The following USH2A variants were observed in gnomAD, a reference collection of about 807,000 sequenced individuals.
USH2A encodes Usher syndrome 2A (autosomal recessive, mild).
Under a neutral mutation model 538.9 loss-of-function variants are expected in USH2A, and 443 were observed. The observed-to-expected ratio is 0.82, with a 90% confidence interval of 0.76 to 0.89. The LOEUF is 0.89. Among genes scored for constraint, USH2A ranks in the 40% least tolerant of loss-of-function variants. The pLI is 0.00. For synonymous variants in USH2A, 2,413 were observed against 2,273.5 expected (o/e 1.06, Z -1.75); for missense variants, 6,633 against 6,324.8 (o/e 1.05, Z -1.65).
intron 69 of USH2A, among the ~76,000 whole-genome samples, chr1:215,637,816 A>G (rs923205289): frequency 1.3e-5 from 2 of 152,004 alleles, no homozygotes; most frequent in African/African-American, 4.8e-5. Context: ...GAAATTTTGG[A>G]CATGTTTATT....
At chr1:216,204,281 T>A (rs2035064200) in intron 16 of USH2A, 1 of 152,222 alleles carries the variant, frequency 6.6e-6, no homozygotes, top group Admixed American at 6.5e-5. Context: ...AGAAGGGGGC[T>A]ACAATAGAGA....
intron 37 of USH2A, among the ~76,000 whole-genome samples, chr1:215,956,275 T>C (rs1344631252): frequency 1.3e-5 from 2 of 152,182 alleles, no homozygotes; most frequent in East Asian, 1.9e-4. Context: ...AAACATTATA[T>C]ATCTGCCCCA....
intron 47 of USH2A, among the ~76,000 whole-genome samples, chr1:215,825,057 G>C (rs953430251): frequency 6.6e-6 from 1 of 152,102 alleles, no homozygotes; most frequent in Non-Finnish European, 1.5e-5. Context: ...TTTTGGAACT[G>C]GAAGTTCTTT....
chr1:215,835,164 CAA>C (rs34758891), intron 47 of USH2A, among the ~76,000 whole-genome samples: 20,896 of 56,078 alleles, frequency 0.37, 1,607 homozygotes, highest in Admixed American at 0.43. Flanking sequence ...AGTGATGCAC[CAA>C]AAAAAAAAAA....
chr1:216,419,353 T>G (rs907983460), intron 2 of USH2A, among the ~76,000 whole-genome samples: 1 of 152,120 alleles, frequency 6.6e-6, no homozygotes, highest in Non-Finnish European at 1.5e-5. Context: ...AAATAAGATT[T>G]TGAAAAACTA....
chr1:216,373,969 T>G (rs1571753761), intron 3 of USH2A, among the ~76,000 whole-genome samples: 1 of 151,938 alleles, frequency 6.6e-6, no homozygotes, highest in East Asian at 2.0e-4. Context: ...TGGATGAAAC[T>G]GGAAACCATC....
rs58845914 is a variant in USH2A, at chr1:216,370,677, C to CAAAAAAAAAAAAAAAAA, written c.652-5609_652-5593dup. ...TGGGGAACAGAGCCAGACTCTGTCT[C>CAAAAAAAAAAAAAAAAA]AAAAAAAAAAAAAAAAAAAAAAAAA... On this transcript the variant is annotated intron_variant, in intron 3 of 71. Transcript: ENST00000307340. 1.9e-3 allele frequency among the ~76,000 whole-genome samples: 57 copies of CAAAAAAAAAAAAAAAAA among 30,000 alleles called. 11 individuals carry two copies. Among genetic ancestry groups the CAAAAAAAAAAAAAAAAA allele is most frequent in the African/African-American group, 2.1e-3 (19 of 8,978 alleles). The allele number at this position is 30,000 out of a possible 152,430, so 19.7% of individuals were successfully genotyped here.
chr1:215,764,770 A>C (rs1338968649), intron 56 of USH2A, among the ~76,000 whole-genome samples: 1 of 152,162 alleles, frequency 6.6e-6, no homozygotes, highest in Non-Finnish European at 1.5e-5. Flanking sequence ...TTCACTTTAC[A>C]GTAAAACAAC....
intron 11 of USH2A, among the ~76,000 whole-genome samples, chr1:216,263,212 T>C (rs2036409210): frequency 6.6e-6 from 1 of 152,124 alleles, no homozygotes. Context: ...GAAGAACTAA[T>C]ACCATTTTTT....
Position 216,072,934 on chromosome 1 carries a change from C to T in USH2A, c.5812G>A (p.Gly1938Ser). The T allele has an allele frequency of 6.2e-7, 1 of 1,613,964 alleles. No individual in the cohort carries two copies. The highest frequency in any genetic ancestry group is 2.2e-5 in the East Asian group (1 of 44,866). ...CGACTCCAATCACTATATACTGAAC[C>T]TCCTTCATGCGAGGCTATCACTCGA... ...LYRVIASHEG[G>S]SVYSDWSRGR... The change falls in exon 29 of 72, where the codon GGT (glycine) becomes AGT (serine). Residue 1938 changes from glycine to serine, a missense_variant. Gly to Ser is a moderately conservative substitution (Grantham distance 56). Coordinates refer to ENST00000307340, the MANE Select transcript of USH2A (RefSeq NM_206933.4).
rs199829169 is a variant in USH2A, at chr1:215,647,573, C to A, written c.14740G>T (p.Glu4914Ter). 1 of 1,614,148 alleles carries A rather than the reference C, an allele frequency of 6.2e-7. No homozygotes were observed. Among genetic ancestry groups the A allele is most frequent in the African/African-American group, 1.3e-5 (1 of 75,024 alleles). Residue 4914 changes from glutamate to a stop codon, truncating the protein, a stop_gained, in exon 67 of 72, where the codon GAG becomes TAG. Coordinates refer to ENST00000307340, the MANE Select transcript of USH2A (RefSeq NM_206933.4). LOFTEE classifies it high-confidence loss of function. ...TYKLRVVAHN[E>*]VGSTASEWIS... ...CACTCGGAAGCCGTACTGCCCACCTCGTTGTGTGCCACCACTCTCAGCTTG... is the reference window on the plus strand; with the variant it reads ...CACTCGGAAGCCGTACTGCCCACCTAGTTGTGTGCCACCACTCTCAGCTTG...
At chr1:216,249,375 T>A (rs2036113959) in intron 12 of USH2A, among the ~76,000 whole-genome samples, 3 of 152,090 alleles carry the variant, frequency 2.0e-5, no homozygotes, top group Non-Finnish European at 4.4e-5. Context: ...AATCTAACCA[T>A]CACAAGAAAG....
rs774188386 is a variant in USH2A, at chr1:215,743,272, G to C, written c.11453C>G (p.Pro3818Arg). 1.9e-6 allele frequency: 3 copies of C among 1,611,268 alleles called. No homozygotes were observed. In the East Asian group the frequency reaches 6.7e-5, roughly 36 times the overall value. ...NVLLNDGSVT[P>R]LAFSVGHHQS... The stretch of plus-strand genomic sequence containing the variant: ...ATGATGACCAACGGAGAAGGCCAGA[G>C]GTGTTACACTTCCATCATTGAGTAA... The change falls in exon 59 of 72, where the codon CCT (proline) becomes CGT (arginine). Residue 3818 changes from proline (P) to arginine (R), a missense_variant. Coordinates refer to ENST00000307340, the MANE Select transcript of USH2A (RefSeq NM_206933.4).
intron 49 of USH2A, among the ~76,000 whole-genome samples, chr1:215,811,226 TC>T (rs1385049731): frequency 9.2e-5 from 14 of 152,334 alleles, no homozygotes; most frequent in East Asian, 3.9e-4. Flanking sequence ...ACAAACTTGC[TC>T]CTTGCTTGGG....
intron 38 of USH2A, among the ~76,000 whole-genome samples, chr1:215,932,677 G>C (rs1035972435): frequency 6.6e-6 from 1 of 151,948 alleles, no homozygotes; most frequent in Non-Finnish European, 1.5e-5. Context: ...TTTGGTGAAG[G>C]ACTGACTCCC....
At chr1:215,645,004 TTTA>T (rs1221699264) in intron 67 of USH2A, among the ~76,000 whole-genome samples, 1 of 152,200 alleles carries the variant, frequency 6.6e-6, no homozygotes, top group African/African-American at 2.4e-5. Flanking sequence ...GGAAGGCAGG[TTTA>T]TTTCAGACGG....
At chr1:215,826,072 T>C (rs1663143798) in intron 47 of USH2A, among the ~76,000 whole-genome samples, 1 of 152,162 alleles carries the variant, frequency 6.6e-6, no homozygotes, top group Non-Finnish European at 1.5e-5. Flanking sequence ...GCCAGAGCAG[T>C]TCTGCAATGA....
intron 38 of USH2A, among the ~76,000 whole-genome samples, chr1:215,919,730 A>G (rs1260456712): frequency 1.3e-5 from 2 of 152,084 alleles, no homozygotes; most frequent in South Asian, 2.1e-4. Flanking sequence ...AAGCATTGAT[A>G]AAAAGCTGAA....
At chr1:216,147,078 T>G (rs1442684277) in intron 21 of USH2A, among the ~76,000 whole-genome samples, 1 of 152,114 alleles carries the variant, frequency 6.6e-6, no homozygotes, top group Non-Finnish European at 1.5e-5. Context: ...CATCAGTCCC[T>G]TCCTAGTCTC....
Sources: gnomAD v4.1 joint callset for allele counts (sites outside exome capture counted in the v4.1 genomes callset) on GRCh38, gnomAD v4.1.1 for gene constraint, MANE v1.5 for transcripts, NCBI Gene and HGNC (gene_info 2026-07-23, HGNC 2026-07-21) for gene names.